The following PARD3B variants were observed in gnomAD, a reference collection of about 807,000 sequenced individuals.
The protein encoded by PARD3B is par-3 family cell polarity regulator beta, also known as partitioning defective 3 homolog B.
Under a neutral mutation model 130.2 loss-of-function variants are expected in PARD3B, and 103 were observed. That is an observed-to-expected ratio of 0.79 (90% CI 0.67 to 0.93). The LOEUF (loss-of-function observed/expected upper bound fraction) is 0.93, where lower values mean the gene tolerates loss of function less well. Among genes scored for constraint, PARD3B ranks in the 40% least tolerant of loss-of-function variants. The pLI, the probability that PARD3B is intolerant of heterozygous loss-of-function variation, is 0.00. For missense variants in PARD3B, 1,609 were observed against 1,499.2 expected (o/e 1.07, Z -1.21); for synonymous variants, 583 against 553.2 (o/e 1.05, Z -0.76).
chr2:204,998,982 A>C (rs1252863072), intron 3 of PARD3B, among the ~76,000 whole-genome samples: 3 of 152,186 alleles, frequency 2.0e-5, no homozygotes, highest in Admixed American at 6.5e-5. Context: ...GGCGTGAGGC[A>C]CCATGCCTGG....
chr2:204,692,904 C>G lies in PARD3B; in HGVS notation c.222+6622C>G, dbSNP rs539899187. Among the ~76,000 whole-genome samples the G allele has an allele frequency of 1.3e-4, 20 of 152,122 alleles. No homozygotes were observed. The South Asian group carries it at 4.1e-3, about 32-fold the overall frequency. On this transcript the variant is annotated intron_variant, in intron 2 of 22. Transcript: ENST00000406610. Reference sequence around the variant, plus strand: ...CATCATCTTTCAAAAGAGGAAATATCCTACCCAGGAAGAGGTTATAGAACA... The same window carrying G: ...CATCATCTTTCAAAAGAGGAAATATGCTACCCAGGAAGAGGTTATAGAACA...
At chr2:204,910,419 T>C (rs1382298029) in intron 2 of PARD3B, among the ~76,000 whole-genome samples, 6 of 152,138 alleles carry the variant, frequency 3.9e-5, no homozygotes, top group Non-Finnish European at 7.4e-5. Flanking sequence ...AAATTTGTAA[T>C]AACCAAGGTA....
chr2:205,270,054 G>A (rs537467959), intron 16 of PARD3B, among the ~76,000 whole-genome samples: 8 of 152,116 alleles, frequency 5.3e-5, no homozygotes, highest in South Asian at 4.1e-4. Flanking sequence ...ACCCCCATTC[G>A]CCATCATGTG....
At chr2:205,273,676 A>G (rs1197885346) in intron 16 of PARD3B, among the ~76,000 whole-genome samples, 1 of 152,216 alleles carries the variant, frequency 6.6e-6, no homozygotes, top group Non-Finnish European at 1.5e-5. Flanking sequence ...TCATGAGTTT[A>G]CAGTATGGAA....
chr2:205,014,656 G>T (rs1695984239), intron 3 of PARD3B, among the ~76,000 whole-genome samples: 1 of 152,200 alleles, frequency 6.6e-6, no homozygotes, highest in South Asian at 2.1e-4. Flanking sequence ...TCTCTTCTGT[G>T]TTGAGCACTG....
At position 205,172,246 on chromosome 2, in the gene PARD3B, A is replaced by G; in HGVS notation, c.1656A>G (p.Ala552=). ...GRLRMNDQLI[A]VNGESLLGKS... is the part of the protein sequence containing the mutation. ...TGCGAATGAATGACCAGCTGATTGC[A>G]GTTAATGGGGAATCTCTTTTGGGAA... Residue 552 remains alanine (A), a synonymous_variant, in exon 12 of 23, where the codon GCA becomes GCG. Coordinates refer to ENST00000406610, the MANE Select transcript of PARD3B (RefSeq NM_001302769.2). 1 of 1,614,114 alleles carries G rather than the reference A, an allele frequency of 6.2e-7. No individual in the cohort carries two copies. The highest frequency in any genetic ancestry group is 1.7e-5 in the Admixed American group (1 of 60,010).
intron 12 of PARD3B, among the ~76,000 whole-genome samples, chr2:205,175,359 A>G (rs866973537): frequency 3.9e-5 from 6 of 152,220 alleles, no homozygotes; most frequent in Non-Finnish European, 8.8e-5. Flanking sequence ...AAGAAAGGGT[A>G]ATACACTGGG....
intron 21 of PARD3B, among the ~76,000 whole-genome samples, chr2:205,517,015 G>A (rs149950511): frequency 2.6e-3 from 392 of 152,224 alleles, no homozygotes; most frequent in Non-Finnish European, 4.4e-3. Flanking sequence ...TGCGTCTATT[G>A]AGATAATCAT....
At chr2:204,809,297 A>G (rs1344331627) in intron 2 of PARD3B, among the ~76,000 whole-genome samples, 3 of 151,996 alleles carry the variant, frequency 2.0e-5, no homozygotes, top group Admixed American at 6.6e-5. Context: ...CCATGTGTCA[A>G]TTTTTGCTTT....
At chr2:204,600,426 C>CT (rs1359813052) in intron 1 of PARD3B, among the ~76,000 whole-genome samples, 1 of 151,670 alleles carries the variant, frequency 6.6e-6, no homozygotes, top group Non-Finnish European at 1.5e-5. Flanking sequence ...AGAGATTGTT[C>CT]TTTCTTTAAT....
At chr2:204,756,959 T>C (rs2040704270) in intron 2 of PARD3B, among the ~76,000 whole-genome samples, 1 of 152,128 alleles carries the variant, frequency 6.6e-6, no homozygotes, top group African/African-American at 2.4e-5. Flanking sequence ...GTTCCATCTT[T>C]GTGTCCATGT....
At chr2:205,388,267 A>G (rs2045732732) in intron 18 of PARD3B, among the ~76,000 whole-genome samples, 1 of 152,226 alleles carries the variant, frequency 6.6e-6, no homozygotes, top group Non-Finnish European at 1.5e-5. Flanking sequence ...ACTGTGGAAG[A>G]GTATTCTGCA....
At chr2:205,332,672 G>T (rs1002370246) in intron 18 of PARD3B, among the ~76,000 whole-genome samples, 1 of 152,124 alleles carries the variant, frequency 6.6e-6, no homozygotes, top group Admixed American at 6.6e-5. Context: ...ATTCAAGACG[G>T]CTTCCCCTCT....
intron 20 of PARD3B, among the ~76,000 whole-genome samples, chr2:205,489,500 T>TATATATACGTATATAAACAC (rs1559141226): frequency 2.2e-5 from 3 of 139,404 alleles, no homozygotes; most frequent in Non-Finnish European, 3.1e-5. Flanking sequence ...TATGTGTGTA[T>TATATATACGTATATAAACAC]ATATATATAC....
intron 10 of PARD3B, among the ~76,000 whole-genome samples, chr2:205,147,073 G>A (rs1292573345): frequency 3.3e-5 from 5 of 152,088 alleles, no homozygotes; most frequent in Non-Finnish European, 1.5e-5. Flanking sequence ...CTTAAGACAG[G>A]TCTAATCAGG....
intron 2 of PARD3B, among the ~76,000 whole-genome samples, chr2:204,737,009 C>G (rs1184300532): frequency 1.3e-5 from 2 of 152,040 alleles, no homozygotes; most frequent in African/African-American, 4.8e-5. Context: ...GTGCAATGGC[C>G]CAATCTCAGC....
At position 205,596,037 on chromosome 2, in the gene PARD3B, G is replaced by T. The variant is rs868186387; in HGVS notation, c.3261-19419G>T. On this transcript the variant is annotated intron_variant, in intron 22 of 22. Coordinates refer to ENST00000406610, the MANE Select transcript of PARD3B (RefSeq NM_001302769.2). ...CTGCTCCATTTTACCAGCATCAAAG[G>T]CAAGTATGGAACCCACAGAAGGTAG... Among the ~76,000 whole-genome samples the T allele has an allele frequency of 2.0e-5, 3 of 152,126 alleles. No individual in the cohort carries two copies. The South Asian group carries it at 6.2e-4, about 32-fold the overall frequency.
chr2:205,396,546 T>TA, intron 18 of PARD3B, among the ~76,000 whole-genome samples: 1 of 152,332 alleles, frequency 6.6e-6, no homozygotes, highest in East Asian at 1.9e-4. Context: ...TAAATTTACA[T>TA]AAAGCGTATG....
intron 2 of PARD3B, among the ~76,000 whole-genome samples, chr2:204,893,910 G>A (rs992665965): frequency 2.6e-5 from 4 of 152,030 alleles, no homozygotes; most frequent in African/African-American, 9.7e-5. Flanking sequence ...ATTCATAAAA[G>A]TTTATGCAAA....
Sources: allele counts gnomAD v4.1 joint callset (sites outside exome capture counted in the v4.1 genomes callset), GRCh38; gene constraint gnomAD v4.1.1; transcripts MANE v1.5; gene names NCBI Gene and HGNC (gene_info 2026-07-23, HGNC 2026-07-21).